Variants in BMPR1B observed in about 807,000 individuals in gnomAD.
BMPR1B encodes the protein bone morphogenetic protein receptor type 1B.
BMPR1B carries 12 observed loss-of-function variants against 59.1 expected under a neutral mutation model. The observed-to-expected ratio is 0.20, with a 90% CI of 0.13 to 0.33. The LOEUF (loss-of-function observed/expected upper bound fraction) is 0.33, where lower values mean the gene tolerates loss of function less well. Ranked by LOEUF, BMPR1B falls within the 10% of genes least tolerant of loss-of-function variation. The pLI is 1.00. For synonymous variants in BMPR1B, 237 were observed against 207.3 expected, an observed-to-expected ratio of 1.14 and a Z score of -1.23; for missense variants, 550 against 610.9, an observed-to-expected ratio of 0.90 and a Z score of 1.05.
At chr4:94,801,288 A>G (rs947264318) in intron 1 of BMPR1B, among the ~76,000 whole-genome samples, 2 of 152,234 alleles carry the variant, frequency 1.3e-5, no homozygotes. Flanking sequence ...AACTAAATAC[A>G]AAACAGTTCT....
chr4:94,801,145 C>A (rs1027383701), intron 1 of BMPR1B, among the ~76,000 whole-genome samples: 19 of 152,166 alleles, frequency 1.2e-4, no homozygotes, highest in African/African-American at 4.6e-4. Context: ...GACTCACCAC[C>A]CCTTCCTGCC....
At chr4:94,909,424 G>A (rs1293349660) in intron 2 of BMPR1B, among the ~76,000 whole-genome samples, 1 of 151,896 alleles carries the variant, frequency 6.6e-6, no homozygotes, top group African/African-American at 2.4e-5. Context: ...GTATGTGGCC[G>A]TGGGTAAGGT....
chr4:94,917,797 C>A (rs1728539846), intron 2 of BMPR1B, among the ~76,000 whole-genome samples: 1 of 152,070 alleles, frequency 6.6e-6, no homozygotes, highest in African/African-American at 2.4e-5. Context: ...TGGGAAGGGC[C>A]AGGGCGGAAT....
At chr4:94,808,867 C>T (rs1723709829) in intron 1 of BMPR1B, among the ~76,000 whole-genome samples, 1 of 152,128 alleles carries the variant, frequency 6.6e-6, no homozygotes, top group Non-Finnish European at 1.5e-5. Context: ...CCAGCTCGGC[C>T]AACATGGTGA....
intron 9 of BMPR1B, among the ~76,000 whole-genome samples, chr4:95,130,481 T>C (rs1409423190): frequency 6.6e-6 from 1 of 152,132 alleles, no homozygotes; most frequent in Non-Finnish European, 1.5e-5. Context: ...TCTGGATCGT[T>C]CAAGTAGAAG....
intron 4 of BMPR1B, 67 bp from the exon 5 acceptor site, chr4:95,114,653 C>CACACACAT: frequency 1.5e-6 from 2 of 1,302,976 alleles, no homozygotes; most frequent in Non-Finnish European, 2.2e-6. Flanking sequence ...TAGACACACA[C>CACACACAT]ACACACACAC....
intron 6 of BMPR1B, among the ~76,000 whole-genome samples, chr4:95,116,421 G>GCGCGCACACACACACACACACACCCA: frequency 8.1e-6 from 1 of 123,198 alleles, no homozygotes; most frequent in African/African-American, 3.6e-5. Flanking sequence ...TTCAGCGCGC[G>GCGCGCACACACACACACACACACCCA]CACACACACA....
At chr4:95,124,326 T>C (rs1346493739) in intron 7 of BMPR1B, among the ~76,000 whole-genome samples, 1 of 152,104 alleles carries the variant, frequency 6.6e-6, no homozygotes, top group Non-Finnish European at 1.5e-5. Flanking sequence ...AATAAGGTCC[T>C]TTATTATATT....
chr4:95,129,182 C>G (rs772397773), intron 8 of BMPR1B, among the ~76,000 whole-genome samples: 5 of 152,166 alleles, frequency 3.3e-5, no homozygotes, highest in Non-Finnish European at 7.3e-5. Flanking sequence ...TAATGAGGAG[C>G]CTTGGCATGC....
intron 1 of BMPR1B, among the ~76,000 whole-genome samples, chr4:94,790,316 A>C (rs1388207666): frequency 6.6e-6 from 1 of 152,204 alleles, no homozygotes; most frequent in East Asian, 1.9e-4. Context: ...GTATAAGCTA[A>C]AGTTAACCAG....
At chr4:94,872,272 A>G (rs749746048) in intron 1 of BMPR1B, among the ~76,000 whole-genome samples, 1 of 152,226 alleles carries the variant, frequency 6.6e-6, no homozygotes, top group Non-Finnish European at 1.5e-5. Context: ...TTAAATAAAG[A>G]TAAATGTAAA....
At chr4:94,916,352 A>C (rs567036829) in intron 2 of BMPR1B, among the ~76,000 whole-genome samples, 2 of 152,198 alleles carry the variant, frequency 1.3e-5, no homozygotes, top group Non-Finnish European at 2.9e-5. Context: ...CAAAATGCTG[A>C]TAGTGATATG....
At chr4:95,069,452 C>A (rs941908433) in intron 3 of BMPR1B, among the ~76,000 whole-genome samples, 7 of 152,202 alleles carry the variant, frequency 4.6e-5, no homozygotes, top group African/African-American at 1.4e-4. Flanking sequence ...TTGCTCGACA[C>A]TCCTGTCTAG....
chr4:95,129,222 T>A (rs3796439), intron 8 of BMPR1B, among the ~76,000 whole-genome samples: 110 of 152,066 alleles, frequency 7.2e-4, no homozygotes, highest in Middle Eastern at 3.4e-3. Flanking sequence ...TAGTACCATT[T>A]GATGCTCTCT....
chr4:94,843,108 C>G (rs545002135), intron 1 of BMPR1B, among the ~76,000 whole-genome samples: 8 of 152,232 alleles, frequency 5.3e-5, no homozygotes, highest in Admixed American at 3.9e-4. Flanking sequence ...TGAAAAAAAT[C>G]AAGATCCAGC....
intron 10 of BMPR1B, among the ~76,000 whole-genome samples, chr4:95,148,484 C>G (rs1454325516): frequency 6.6e-6 from 1 of 151,976 alleles, no homozygotes; most frequent in Non-Finnish European, 1.5e-5. Context: ...CCTCTAGGCT[C>G]AAGCTATCCT....
chr4:95,043,852 T>C lies in BMPR1B; in HGVS notation c.-18+47718T>C, dbSNP rs552323297. On this transcript the variant is annotated intron_variant, in intron 3 of 12. Coordinates refer to ENST00000515059, the MANE Select transcript of BMPR1B (RefSeq NM_001203.3). ...GCCTGTATCAGAAGATATCATCATA[T>C]CTACACTATAATATTGGAGCTCTTG... Among the ~76,000 whole-genome samples the C allele has an allele frequency of 4.6e-5, 7 of 152,324 alleles. No individual in the cohort carries two copies. The South Asian group carries it at 1.5e-3, about 32-fold the overall frequency.
chr4:95,114,583 A>G (rs1731870005), intron 4 of BMPR1B, 137 bp from the exon 5 acceptor site: 1 of 817,262 alleles, frequency 1.2e-6, no homozygotes, highest in Non-Finnish European at 2.1e-6. Flanking sequence ...TTAACAGATC[A>G]TTGACATTCT....
At chr4:94,847,171 G>A (rs1006338932) in intron 1 of BMPR1B, among the ~76,000 whole-genome samples, 1 of 152,102 alleles carries the variant, frequency 6.6e-6, no homozygotes, top group Non-Finnish European at 1.5e-5. Context: ...TGGCAAACAG[G>A]TATATAAAAA....
Sources: allele counts gnomAD v4.1 joint callset (sites outside exome capture counted in the v4.1 genomes callset), GRCh38; gene constraint gnomAD v4.1.1; transcripts MANE v1.5; gene names NCBI Gene and HGNC (gene_info 2026-07-23, HGNC 2026-07-21).